The following DNAAF5 variants were observed in gnomAD, a reference collection of about 807,000 sequenced individuals.
DNAAF5 encodes dynein axonemal assembly factor 5.
DNAAF5 carries 64 observed loss-of-function variants against 75.8 expected under a neutral mutation model. That is an observed-to-expected ratio of 0.84 (90% CI 0.69 to 1.04). The LOEUF (loss-of-function observed/expected upper bound fraction) is 1.04. DNAAF5 is among the 50% of genes least tolerant of loss of function. The pLI is 0.00. For synonymous variants in DNAAF5, 657 were observed against 557.2 expected (o/e 1.18, Z -2.52); for missense variants, 1,269 against 1,178.5 (o/e 1.08, Z -1.12).
At chr7:741,639 C>T (rs1038319009) in intron 4 of DNAAF5, among the ~76,000 whole-genome samples, 174 bp downstream of exon 4, 4 of 152,196 alleles carry the variant, frequency 2.6e-5, no homozygotes, top group African/African-American at 7.2e-5. Flanking sequence ...GGGCAGAGCA[C>T]GTCTCTCCTC....
chr7:763,463 C>T (rs1190108818), intron 7 of DNAAF5, among the ~76,000 whole-genome samples: 1 of 152,228 alleles, frequency 6.6e-6, no homozygotes, highest in Non-Finnish European at 1.5e-5. Context: ...CCTCTCTGCT[C>T]CTCACCACCT....
intron 12 of DNAAF5, among the ~76,000 whole-genome samples, chr7:784,385 CCTCAGTGG>C (rs1330563492): frequency 6.6e-6 from 1 of 152,202 alleles, no homozygotes; most frequent in Non-Finnish European, 1.5e-5. Flanking sequence ...GTTCCGCCAC[CCTCAGTGG>C]CTCAGTGGCC....
rs765618993 is a variant in DNAAF5, at chr7:774,202, C to G, written c.2082+4C>G. On this transcript the variant is annotated splice_donor_region_variant and intron_variant, in intron 10 of 12. Coordinates refer to ENST00000297440, the MANE Select transcript of DNAAF5 (RefSeq NM_017802.4). Reference sequence around the variant, plus strand: ...CGAGGTCCTGTCGGCAGAGCAGGTACGGGGCTCCCTGCGTGCTCGGTGGAC... The same window carrying G: ...CGAGGTCCTGTCGGCAGAGCAGGTAGGGGGCTCCCTGCGTGCTCGGTGGAC... The G allele has an allele frequency of 3.7e-6, 6 of 1,602,028 alleles. No individual in the cohort carries two copies. In the South Asian group the frequency reaches 5.5e-5, roughly 15 times the overall value.
chr7:756,863 A>G lies in DNAAF5; in HGVS notation c.1339A>G (p.Thr447Ala). Residue 447 changes from threonine to alanine, a missense_variant, in exon 6 of 13, where the codon ACG becomes GCG. Coordinates refer to ENST00000297440, the MANE Select transcript of DNAAF5 (RefSeq NM_017802.4). ...LKLILSTLKK[T>A]PSASGLLVLA... Reference sequence around the variant, plus strand: ...GCTGATCTTATCGACGCTGAAGAAGACGCCCTCTGCCTCCGGCCTCCTGGT... The same window carrying G: ...GCTGATCTTATCGACGCTGAAGAAGGCGCCCTCTGCCTCCGGCCTCCTGGT... 6.2e-7 allele frequency: 1 copy of G among 1,613,874 alleles called. No homozygotes were observed. Among genetic ancestry groups the G allele is most frequent in the Non-Finnish European group, 8.5e-7 (1 of 1,180,010 alleles).
intron 8 of DNAAF5, chr7:769,336 C>G: frequency 1.6e-6 from 1 of 636,404 alleles, no homozygotes; most frequent in Non-Finnish European, 2.9e-6. Context: ...CAGGCTGAGC[C>G]TGGCAGGAGA....
intron 7 of DNAAF5, among the ~76,000 whole-genome samples, 184 bp downstream of exon 7, chr7:762,080 G>A (rs1230750483): frequency 6.6e-6 from 1 of 152,208 alleles, no homozygotes; most frequent in Non-Finnish European, 1.5e-5. Context: ...AGCTGCCAGT[G>A]TATTCTGGCA....
chr7:728,857 C>T (rs1351503173), intron 1 of DNAAF5, among the ~76,000 whole-genome samples: 3 of 152,162 alleles, frequency 2.0e-5, no homozygotes, highest in Non-Finnish European at 2.9e-5. Flanking sequence ...CCTCTGGTCT[C>T]GGTCACACTG....
At chr7:764,953 A>C (rs1461439039) in intron 8 of DNAAF5, among the ~76,000 whole-genome samples, 1 of 151,980 alleles carries the variant, frequency 6.6e-6, no homozygotes, top group Non-Finnish European at 1.5e-5. Flanking sequence ...TCTAAAATTT[A>C]AAAATAAATA....
chr7:750,289 C>T (rs1052170304), intron 4 of DNAAF5, among the ~76,000 whole-genome samples: 4 of 152,176 alleles, frequency 2.6e-5, no homozygotes, highest in African/African-American at 7.2e-5. Context: ...TAGGAGGCTG[C>T]GCCATCTAGG....
intron 12 of DNAAF5, among the ~76,000 whole-genome samples, chr7:782,560 C>A (rs935474429): frequency 4.7e-5 from 7 of 147,970 alleles, no homozygotes; most frequent in African/African-American, 1.8e-4. Context: ...TCCCGTCACG[C>A]GGCGTCAGAA....
chr7:783,286 CG>C (rs1311471844), intron 12 of DNAAF5, among the ~76,000 whole-genome samples: 1 of 152,230 alleles, frequency 6.6e-6, no homozygotes, highest in Non-Finnish European at 1.5e-5. Flanking sequence ...TGCCCACTCG[CG>C]GGTGTAAGCC....
intron 12 of DNAAF5, among the ~76,000 whole-genome samples, chr7:782,880 C>T (rs1779020136): frequency 1.3e-5 from 2 of 151,246 alleles, no homozygotes; most frequent in Admixed American, 1.3e-4. Context: ...CGCGTCCCCT[C>T]ACACAACGTC....
Position 780,029 on chromosome 7 carries a change from G to A in DNAAF5, c.2316G>A (p.Gln772=), listed in dbSNP as rs774152709. The change falls in exon 12 of 13, where the codon CAG becomes CAA. Residue 772 remains glutamine (Q), a synonymous_variant. Coordinates refer to ENST00000297440, the MANE Select transcript of DNAAF5 (RefSeq NM_017802.4). ...CCTCCACCTTGGTCACCTGGCTGCA[G>A]TGTGTCAAGGGTGCCAACGCAAAAT... ...AAASTLVTWL[Q]CVKGANAKSY... is the part of the protein sequence containing the mutation. 6.2e-7 allele frequency: 1 copy of A among 1,614,256 alleles called. No individual in the cohort carries two copies. The highest frequency in any genetic ancestry group is 8.5e-7 in the Non-Finnish European group (1 of 1,180,038).
Position 741,437 on chromosome 7 carries a change from T to TCCCAC in DNAAF5, c.1006_1010dup (p.Tyr338ProfsTer42), listed in dbSNP as rs1781907963. 1 of 852,784 alleles carries TCCCAC rather than the reference T, an allele frequency of 1.2e-6. No homozygotes were observed. The highest frequency in any genetic ancestry group is 2.2e-5 in the African/African-American group (1 of 45,192). The allele number at this position is 852,784 out of a possible 1,614,324, so 52.8% of individuals were successfully genotyped here. The stretch of plus-strand genomic sequence containing the variant: ...TGAAGGACAAGCTGGACTTTGCCCC[T>TCCCAC]CCCACCCCACCCCATTACCCTCCAC... On this transcript the variant is annotated frameshift_variant, in exon 4 of 13. Coordinates refer to ENST00000297440, the MANE Select transcript of DNAAF5 (RefSeq NM_017802.4). LOFTEE classifies it high-confidence loss of function.
In DNAAF5 at chr7:754,808, C is replaced by T. The variant is rs374172859; in HGVS notation, c.1244C>T (p.Ala415Val). The T allele has an allele frequency of 5.6e-6, 9 of 1,603,494 alleles. No individual in the cohort carries two copies. Among genetic ancestry groups the T allele is most frequent in the African/African-American group, 4.0e-5 (3 of 74,756 alleles). Residue 415 changes from alanine to valine, a missense_variant, in exon 5 of 13, where the codon GCC becomes GTC. Ala to Val is a moderately conservative substitution (Grantham distance 64). Coordinates refer to ENST00000297440, the MANE Select transcript of DNAAF5 (RefSeq NM_017802.4). This position sits in a 1 kb window ranked among gnomAD's most constrained non-coding sequence, Gnocchi z 4.8. Reference sequence around the variant, plus strand: ...CAGGCCTGCACCGACGAGGAGGCAGCCGTGGTCCAAAGTGTAAGTGGCCGT... The same window carrying T: ...CAGGCCTGCACCGACGAGGAGGCAGTCGTGGTCCAAAGTGTAAGTGGCCGT... ...LFQACTDEEA[A>V]VVQSCTRSAE...
intron 4 of DNAAF5, among the ~76,000 whole-genome samples, chr7:750,243 A>G (rs968739356): frequency 6.6e-6 from 1 of 152,182 alleles, no homozygotes; most frequent in Non-Finnish European, 1.5e-5. Context: ...CTCACAGGCT[A>G]TATCGCACAG....
intron 4 of DNAAF5, among the ~76,000 whole-genome samples, chr7:751,428 A>G (rs1782288680): frequency 6.6e-6 from 1 of 151,840 alleles, no homozygotes; most frequent in African/African-American, 2.4e-5. Flanking sequence ...TAAGCCCAGA[A>G]GGTCAGTGCT....
At chr7:770,443 G>A (rs1778517428) in intron 8 of DNAAF5, 28 bp from the exon 9 acceptor site, 2 of 1,606,076 alleles carry the variant, frequency 1.2e-6, no homozygotes, top group Middle Eastern at 1.8e-4. Context: ...TGAGGGCCGT[G>A]CACAGGAGCC....
chr7:752,538 TG>T (rs1782337006), intron 4 of DNAAF5, among the ~76,000 whole-genome samples: 1 of 150,798 alleles, frequency 6.6e-6, no homozygotes, highest in Non-Finnish European at 1.5e-5. Context: ...CACGCTTCCC[TG>T]GGTGCATCCT....
Sources: allele counts gnomAD v4.1 joint callset (sites outside exome capture counted in the v4.1 genomes callset), GRCh38; gene constraint gnomAD v4.1.1; non-coding constraint Gnocchi (gnomAD v3.1); transcripts MANE v1.5; gene names NCBI Gene and HGNC (gene_info 2026-07-23, HGNC 2026-07-21).